HECTD4: variants seen among roughly 807,000 people sequenced by gnomAD.
HECTD4 encodes probable E3 ubiquitin-protein ligase HECTD4.
HECTD4 carries 114 observed loss-of-function variants against 471.5 expected under a neutral mutation model. That is an observed-to-expected ratio of 0.24 (90% CI 0.21 to 0.28). HECTD4 has a LOEUF of 0.28. HECTD4 is among the 10% of genes least tolerant of loss of function. HECTD4 has a pLI of 1.00. For synonymous variants in HECTD4, 2,012 were observed against 2,256.0 expected (o/e 0.89, Z 3.07); for missense variants, 3,866 against 5,651.5 (o/e 0.68, Z 10.13).
At chr12:112,201,367 C>T (rs1259254023) in intron 54 of HECTD4, 1 of 161,782 alleles carries the variant, frequency 6.2e-6, no homozygotes, top group African/African-American at 2.4e-5. Context: ...GTTGGGATTA[C>T]AGGCGTGAGC....
Position 112,382,066 on chromosome 12 carries a change from G to C in HECTD4, c.63C>G (p.Leu21=). Residue 21 remains leucine (L), a synonymous_variant, in exon 1 of 76, where the codon CTC becomes CTG. Coordinates refer to ENST00000682272, the MANE Select transcript of HECTD4 (RefSeq NM_001388303.1). ...AAAAADSAQW[L]SVKEETIFLH... is the part of the protein sequence containing the mutation. ...GGAAGATGGTCTCTTCCTTCACCGA[G>C]AGCCACTGCGCCGAGTCAGCGGCCG... 1.2e-5 allele frequency: 15 copies of C among 1,226,806 alleles called. No individual in the cohort carries two copies. Among genetic ancestry groups the C allele is most frequent in the Non-Finnish European group, 1.5e-5 (15 of 985,326 alleles). 76.0% of individuals were successfully genotyped at this position (1,226,806 alleles called of 1,614,324 possible). A position where few individuals can be genotyped will look rare whatever the true frequency, so the allele number is the denominator to read the frequency against.
At chr12:112,224,561 C>T (rs1021772398) in intron 44 of HECTD4, among the ~76,000 whole-genome samples, 10 of 152,088 alleles carry the variant, frequency 6.6e-5, no homozygotes, top group African/African-American at 2.2e-4. Context: ...CCACCGCGCC[C>T]GGCCCAAGGA....
intron 1 of HECTD4, among the ~76,000 whole-genome samples, chr12:112,361,878 A>G (rs2036456340): frequency 6.6e-6 from 1 of 152,230 alleles, no homozygotes; most frequent in African/African-American, 2.4e-5. Context: ...CTTTACATAC[A>G]TTTAAAAACC....
chr12:112,235,570 G>A lies in HECTD4; in HGVS notation c.5659C>T (p.Pro1887Ser). The A allele has an allele frequency of 6.2e-7, 1 of 1,613,946 alleles. No individual in the cohort carries two copies. The highest frequency in any genetic ancestry group is 1.7e-5 in the Admixed American group (1 of 60,012). ...GCGATCTTGGAAGCTGGGTCGCTGG[G>A]ATCCTCCTGCTCACTGTTTAAGGAG... ...VPSLNSEQED[P>S]SDPASKIASL... Residue 1887 changes from proline to serine, a missense_variant, in exon 36 of 76, where the codon CCC (proline) becomes TCC (serine). By Grantham distance (74) the Pro-to-Ser change is moderately conservative. This residue lies in a region of HECTD4 where 617 missense variants were observed against 915.1 expected (regional missense o/e 0.67). Coordinates refer to ENST00000682272, the MANE Select transcript of HECTD4 (RefSeq NM_001388303.1). This position sits in a 1 kb window ranked among gnomAD's most constrained non-coding sequence, Gnocchi z 5.0.
intron 65 of HECTD4, among the ~76,000 whole-genome samples, chr12:112,176,141 G>A (rs964322307): frequency 3.9e-5 from 6 of 152,218 alleles, no homozygotes; most frequent in Non-Finnish European, 8.8e-5. Flanking sequence ...ATCCCCGACT[G>A]ACAAAGCAAT....
At chr12:112,366,394 C>T (rs925158940) in intron 1 of HECTD4, among the ~76,000 whole-genome samples, 2 of 151,722 alleles carry the variant, frequency 1.3e-5, no homozygotes, top group African/African-American at 4.8e-5. Flanking sequence ...GTGGTGTGAG[C>T]CTATAGTCCC....
intron 1 of HECTD4, among the ~76,000 whole-genome samples, chr12:112,320,189 G>A (rs929895928): frequency 2.0e-5 from 3 of 151,558 alleles, no homozygotes; most frequent in Admixed American, 1.3e-4. Context: ...ACAAAAAATA[G>A]CCAGGCTTGG....
chr12:112,342,779 T>C (rs867025893), intron 1 of HECTD4, among the ~76,000 whole-genome samples: 1 of 152,242 alleles, frequency 6.6e-6, no homozygotes, highest in Non-Finnish European at 1.5e-5. Context: ...AATTATGCCA[T>C]GTCATACCTA....
rs376448678 is a variant in HECTD4 at position 112,234,200 on chromosome 12, T to G, written c.5915+877A>C. ...TTTCTTAAAAGAGCTAAGAAAAAAT[T>G]TATTAGTGTTCCTTTCTAATAGTTC... On this transcript the variant is annotated intron_variant, in intron 37 of 75. Transcript: ENST00000682272. Among the ~76,000 whole-genome samples, 7 of 152,306 alleles carry G rather than the reference T, an allele frequency of 4.6e-5. No individual in the cohort carries two copies. The South Asian group carries it at 1.2e-3, about 27-fold the overall frequency.
At chr12:112,252,984 A>AT (rs528852233) in intron 22 of HECTD4, among the ~76,000 whole-genome samples, 86 of 147,272 alleles carry the variant, frequency 5.8e-4, no homozygotes, top group African/African-American at 1.6e-3. Flanking sequence ...TAATTTTTTT[A>AT]TTTTTTTTTT....
chr12:112,362,196 A>G (rs1220397929), intron 1 of HECTD4, among the ~76,000 whole-genome samples: 1 of 152,232 alleles, frequency 6.6e-6, no homozygotes, highest in Non-Finnish European at 1.5e-5. Flanking sequence ...ACAACTGTAT[A>G]TATCTGTTTG....
chr12:112,258,670 G>T, intron 19 of HECTD4, 74 bp from the exon 20 acceptor site: 1 of 1,191,250 alleles, frequency 8.4e-7, no homozygotes, highest in African/African-American at 1.6e-5. Flanking sequence ...GCCAAACTTA[G>T]AGGTCTCTCT....
intron 67 of HECTD4, 34 bp from the exon 68 acceptor site, chr12:112,171,297 G>A (rs376564493): frequency 2.0e-5 from 32 of 1,573,068 alleles, no homozygotes; most frequent in Admixed American, 1.9e-4. Context: ...CTGAGATCTC[G>A]GCCAGGTGGC....
intron 5 of HECTD4, among the ~76,000 whole-genome samples, 170 bp downstream of exon 5, chr12:112,309,391 G>A (rs1457561637): frequency 6.6e-6 from 1 of 152,158 alleles, no homozygotes; most frequent in Non-Finnish European, 1.5e-5. Context: ...AGAACAAGAT[G>A]GGGAAAGGTG....
chr12:112,179,915 G>A lies in HECTD4; in HGVS notation c.10988-518C>T, dbSNP rs781770438. Among the ~76,000 whole-genome samples the A allele has an allele frequency of 3.9e-5, 6 of 152,202 alleles. No individual in the cohort carries two copies. Among genetic ancestry groups the A allele is most frequent in the Admixed American group, 2.0e-4 (3 of 15,288 alleles). ...ATAGGAAATATTCTTCAAAACTGGC[G>A]CAATGAGCAGGTGAAAAAGAGTTTT... On this transcript the variant is annotated intron_variant, in intron 62 of 75. Transcript: ENST00000682272. The surrounding 1 kb of genome is among the most constrained non-coding windows in gnomAD (Gnocchi z 4.3).
intron 11 of HECTD4, among the ~76,000 whole-genome samples, chr12:112,270,868 C>A (rs1483804125): frequency 6.6e-6 from 1 of 152,204 alleles, no homozygotes; most frequent in Non-Finnish European, 1.5e-5. Flanking sequence ...ACAGCCCCTA[C>A]TGGTAACCAT....
Position 112,170,395 on chromosome 12 carries a change from A to C in HECTD4, c.11990T>G (p.Val3997Gly), listed in dbSNP as rs1384667862. The C allele has an allele frequency of 8.1e-6, 13 of 1,614,004 alleles. No individual in the cohort carries two copies. The highest frequency in any genetic ancestry group is 1.1e-5 in the Non-Finnish European group (13 of 1,179,902). The change falls in exon 69 of 76, where the codon GTG becomes GGG. Residue 3997 changes from valine to glycine, a missense_variant. Val to Gly is a moderately radical substitution (Grantham distance 109, BLOSUM62 -3). Around this residue, in one of 16 missense-constraint regions of HECTD4, gnomAD observed 715 missense variants for 1,087.6 expected, o/e 0.66. Transcript: ENST00000682272. The part of the protein sequence containing the change: ...TVMNRVLNAT[V>G]QRTADHAAPE... Reference sequence around the variant, plus strand: ...GGCCGCGTGGTCCGCTGTCCTCTGCACAGTGGCATTCAGCACTCGATTCAT... The same window carrying C: ...GGCCGCGTGGTCCGCTGTCCTCTGCCCAGTGGCATTCAGCACTCGATTCAT...
At position 112,235,751 on chromosome 12, in the gene HECTD4, T is replaced by C; in HGVS notation, c.5478A>G (p.Pro1826=). The C allele has an allele frequency of 6.2e-7, 1 of 1,613,622 alleles. No individual in the cohort carries two copies. ...GGGAGAGGAGTTTGGACACACAAGC[T>C]GGCTGGCTCAGGATGGCTTTACCTA... ...SHIGKAILSQ[P]ACVSKLLSLL... is the part of the protein sequence containing the mutation. The change falls in exon 36 of 76, where the codon CCA becomes CCG. Residue 1826 remains proline, a synonymous_variant. Transcript: ENST00000682272. The surrounding 1 kb of genome is among the most constrained non-coding windows in gnomAD (Gnocchi z 5.0).
At chr12:112,190,298 G>A (rs2032035076) in intron 60 of HECTD4, among the ~76,000 whole-genome samples, 1 of 152,124 alleles carries the variant, frequency 6.6e-6, no homozygotes, top group Non-Finnish European at 1.5e-5. Context: ...ACTTAAGGAG[G>A]CATATCATTA....
Sources: gnomAD v4.1 joint callset for allele counts (sites outside exome capture counted in the v4.1 genomes callset) on GRCh38, gnomAD v4.1.1 for gene constraint, gnomAD v4.1.1 regional missense constraint, Gnocchi (gnomAD v3.1) non-coding constraint, MANE v1.5 for transcripts, NCBI Gene and HGNC (gene_info 2026-07-23, HGNC 2026-07-21) for gene names.